Variants in PDS5A observed in about 807,000 individuals in gnomAD.
PDS5A encodes the protein sister chromatid cohesion protein PDS5 homolog A.
In PDS5A, 42 loss-of-function variants were observed where a neutral mutation model predicts 167.1. That is an observed-to-expected ratio of 0.25 (90% CI 0.20 to 0.33). The LOEUF (loss-of-function observed/expected upper bound fraction) is 0.33. Ranked by LOEUF, PDS5A falls within the 10% of genes least tolerant of loss-of-function variation. The pLI is 1.00. For synonymous variants in PDS5A, 553 were observed against 554.6 expected, an observed-to-expected ratio of 1.00 and a Z score of 0.04; for missense variants, 1,033 against 1,605.9, an observed-to-expected ratio of 0.64 and a Z score of 6.10.
intron 26 of PDS5A, among the ~76,000 whole-genome samples, chr4:39,857,368 A>G (rs1049709154): frequency 2.0e-5 from 3 of 149,850 alleles, no homozygotes; most frequent in Admixed American, 6.6e-5. Flanking sequence ...AAAAAAAAAA[A>G]GGAAAGAAAT....
intron 17 of PDS5A, among the ~76,000 whole-genome samples, chr4:39,884,996 C>G (rs1481618386): frequency 6.6e-6 from 1 of 152,130 alleles, no homozygotes; most frequent in East Asian, 1.9e-4. Flanking sequence ...GGTGCAGTGG[C>G]TCATGCCTGA....
intron 13 of PDS5A, 145 bp downstream of exon 13, chr4:39,902,202 A>G (rs1722941796): frequency 1.5e-5 from 8 of 531,452 alleles, no homozygotes; most frequent in Non-Finnish European, 2.7e-5. Context: ...ATAAATCGTA[A>G]CATTTTGTCT....
Position 39,913,709 on chromosome 4 carries a change from C to T in PDS5A, c.894G>A (p.Glu298=). Residue 298 remains glutamate, a synonymous_variant, in exon 9 of 33, where the codon GAG becomes GAA. Transcript: ENST00000303538. ...CTAGAAGTCGAACAACAGCTAATCG[C>T]TCTTCTCCATCATTGCTCTAAGAAG... ...EFKLKSNDGE[E]RLAVVRLLAK... 1 of 1,596,004 alleles carries T rather than the reference C, an allele frequency of 6.3e-7. No homozygotes were observed. The highest frequency in any genetic ancestry group is 8.6e-7 in the Non-Finnish European group (1 of 1,163,744).
At chr4:39,965,117 A>G (rs908828545) in intron 2 of PDS5A, among the ~76,000 whole-genome samples, 1 of 152,128 alleles carries the variant, frequency 6.6e-6, no homozygotes, top group African/African-American at 2.4e-5. Context: ...GGGTTATGAC[A>G]ACAGTACTTT....
intron 32 of PDS5A, 52 bp from the exon 33 acceptor site, chr4:39,825,540 A>G: frequency 7.3e-7 from 1 of 1,361,698 alleles, no homozygotes; most frequent in South Asian, 1.4e-5. Context: ...AGAAGATATA[A>G]ACCAAACGAA....
intron 24 of PDS5A, 84 bp downstream of exon 24, chr4:39,863,252 A>G (rs1425509928): frequency 8.1e-6 from 9 of 1,109,996 alleles, no homozygotes; most frequent in Non-Finnish European, 9.0e-6. Flanking sequence ...ATATATTCAC[A>G]TTATAAATGG....
intron 16 of PDS5A, chr4:39,898,182 G>T: frequency 8.0e-7 from 1 of 1,254,386 alleles, no homozygotes. Context: ...AATCTCCCTG[G>T]CTTAGTTCTT....
Position 39,851,289 on chromosome 4 carries a change from C to A in PDS5A, c.3087-1637G>T, listed in dbSNP as rs148960441. ...AAAATCGTCACCATTATATATAGAA[C>A]CTATTTTTTTTTTTTTTGGTCTGTC... is the stretch of plus-strand genomic sequence containing the variant. On this transcript the variant is annotated intron_variant, in intron 26 of 32. Transcript: ENST00000303538. Among the ~76,000 whole-genome samples, 25 of 151,824 alleles carry A rather than the reference C, an allele frequency of 1.6e-4. No individual in the cohort carries two copies. The East Asian group carries it at 1.7e-3, about 11-fold the overall frequency.
chr4:39,874,858 A>G (rs556411301), intron 19 of PDS5A, among the ~76,000 whole-genome samples: 30 of 152,336 alleles, frequency 2.0e-4, no homozygotes, highest in African/African-American at 7.2e-4. Flanking sequence ...CTAGTGAAAG[A>G]AAGTATGCAA....
At chr4:39,935,532 T>C (rs1359606247) in intron 2 of PDS5A, among the ~76,000 whole-genome samples, 1 of 152,248 alleles carries the variant, frequency 6.6e-6, no homozygotes, top group Non-Finnish European at 1.5e-5. Flanking sequence ...GAAAAGACTA[T>C]TCTTTCTCTT....
intron 5 of PDS5A, among the ~76,000 whole-genome samples, 183 bp downstream of exon 5, chr4:39,925,653 G>A (rs778777910): frequency 1.1e-4 from 17 of 152,094 alleles, no homozygotes; most frequent in Non-Finnish European, 2.2e-4. Flanking sequence ...TTTAAAATTC[G>A]TAGTATAAGG....
intron 16 of PDS5A, among the ~76,000 whole-genome samples, chr4:39,890,621 C>CA (rs1273627710): frequency 1.1e-4 from 17 of 151,964 alleles, no homozygotes; most frequent in African/African-American, 4.1e-4. Flanking sequence ...GTTGATATAG[C>CA]AACTTTTTTT....
chr4:39,894,898 A>G (rs1485975039), intron 16 of PDS5A, among the ~76,000 whole-genome samples: 1 of 152,014 alleles, frequency 6.6e-6, no homozygotes, highest in Non-Finnish European at 1.5e-5. Context: ...CACACAAAGA[A>G]TTATCCATCA....
chr4:39,836,618 TTTTTTTTTTTTTTTTTTGTA>T (rs766726663), intron 32 of PDS5A, among the ~76,000 whole-genome samples: 12 of 104,518 alleles, frequency 1.1e-4, no homozygotes, highest in Non-Finnish European at 1.9e-4. Context: ...TTTTTCTATT[TTTTTTTTTTTTTTTTTTGTA>T]TTTTTAGTAG....
intron 2 of PDS5A, among the ~76,000 whole-genome samples, chr4:39,966,892 G>A (rs986895372): frequency 1.1e-5 from 1 of 88,708 alleles, no homozygotes. Context: ...CCAGTTACTC[G>A]GGAGGCTGAG....
intron 2 of PDS5A, among the ~76,000 whole-genome samples, chr4:39,956,381 T>C (rs1356584525): frequency 6.6e-6 from 1 of 150,506 alleles, no homozygotes; most frequent in African/African-American, 2.4e-5. Flanking sequence ...TAGTCCCAGC[T>C]ACTTGGGAGG....
rs1189407210 is a variant in PDS5A, at chr4:39,866,943, A to T, written c.2560T>A (p.Ser854Thr). The change falls in exon 23 of 33, where the codon TCT becomes ACT. Residue 854 changes from serine to threonine, a missense_variant. By Grantham distance (58) the Ser-to-Thr change is moderately conservative (BLOSUM62 1). Coordinates refer to ENST00000303538, the MANE Select transcript of PDS5A (RefSeq NM_001100399.2). ...RWLLGMKNNQSKSANSTLRLL... is the reference protein window; with the variant it reads ...RWLLGMKNNQTKSANSTLRLL... ...CGAAGGGTTGAATTGGCAGATTTAG[A>T]CTGGTTGTTTTTCATACCCAACAGC... is the stretch of plus-strand genomic sequence containing the variant. The T allele has an allele frequency of 1.9e-6, 3 of 1,612,842 alleles. No homozygotes were observed. Among genetic ancestry groups the T allele is most frequent in the Non-Finnish European group, 2.5e-6 (3 of 1,179,298 alleles).
At chr4:39,971,556 T>C (rs1730540191) in intron 2 of PDS5A, among the ~76,000 whole-genome samples, 1 of 152,008 alleles carries the variant, frequency 6.6e-6, no homozygotes, top group African/African-American at 2.4e-5. Context: ...GCCTCCTGGG[T>C]TTAAGTGATT....
chr4:39,925,703 C>T, intron 5 of PDS5A, 133 bp downstream of exon 5: 1 of 370,270 alleles, frequency 2.7e-6, no homozygotes, highest in Non-Finnish European at 5.0e-6. Flanking sequence ...TTACTTTCCC[C>T]TTTATGTTAA....
Sources: allele counts gnomAD v4.1 joint callset (sites outside exome capture counted in the v4.1 genomes callset), GRCh38; gene constraint gnomAD v4.1.1; transcripts MANE v1.5; gene names NCBI Gene and HGNC (gene_info 2026-07-23, HGNC 2026-07-21).